Variants in CDH12 observed in about 807,000 individuals in gnomAD.
CDH12 encodes cadherin 12.
Under a neutral mutation model 74.1 loss-of-function variants are expected in CDH12, and 41 were observed. That is an observed-to-expected ratio of 0.55 (90% CI 0.43 to 0.72). The LOEUF is 0.72. Among genes scored for constraint, CDH12 ranks in the 30% least tolerant of loss-of-function variants. The pLI is 0.00. For missense variants in CDH12, 945 were observed against 977.2 expected (o/e 0.97, Z 0.44); for synonymous variants, 399 against 355.0 (o/e 1.12, Z -1.39).
chr5:21,883,552 G>T, intron 6 of CDH12: 1 of 1,608,652 alleles, frequency 6.2e-7, no homozygotes, highest in Non-Finnish European at 8.5e-7. Flanking sequence ...ATTGCTACTG[G>T]TGGTGCAGTG....
intron 1 of CDH12, among the ~76,000 whole-genome samples, chr5:22,686,324 A>G (rs1027509952): frequency 9.2e-5 from 14 of 152,038 alleles, no homozygotes; most frequent in African/African-American, 3.4e-4. Flanking sequence ...CTCCCATACT[A>G]TGGGTTGTCT....
chr5:22,741,084 G>C (rs531413248), intron 1 of CDH12, among the ~76,000 whole-genome samples: 1 of 152,246 alleles, frequency 6.6e-6, no homozygotes, highest in Non-Finnish European at 1.5e-5. Flanking sequence ...TGTAACTCAG[G>C]AGATATTTAT....
intron 5 of CDH12, among the ~76,000 whole-genome samples, chr5:22,059,859 G>T (rs1466643846): frequency 6.6e-6 from 1 of 152,078 alleles, no homozygotes; most frequent in Non-Finnish European, 1.5e-5. Context: ...ATGAAAGAAT[G>T]AGGTTTTCAG....
At chr5:21,947,240 G>T (rs1755619298) in intron 6 of CDH12, among the ~76,000 whole-genome samples, 1 of 152,026 alleles carries the variant, frequency 6.6e-6, no homozygotes, top group Non-Finnish European at 1.5e-5. Context: ...ACTGGGAGTG[G>T]GGCACTGCTA....
At chr5:22,351,757 G>C (rs1740363770) in intron 3 of CDH12, among the ~76,000 whole-genome samples, 1 of 151,986 alleles carries the variant, frequency 6.6e-6, no homozygotes, top group Non-Finnish European at 1.5e-5. Context: ...ATTTCACTTT[G>C]GTCATTTAGT....
chr5:22,737,955 G>A (rs1744825114), intron 1 of CDH12, among the ~76,000 whole-genome samples: 1 of 152,050 alleles, frequency 6.6e-6, no homozygotes, highest in Admixed American at 6.6e-5. Flanking sequence ...TTTTGAGAGT[G>A]GGGTAAGGGG....
intron 1 of CDH12, among the ~76,000 whole-genome samples, chr5:22,773,574 T>G (rs1746926438): frequency 6.6e-6 from 1 of 152,132 alleles, no homozygotes; most frequent in Non-Finnish European, 1.5e-5. Context: ...AACACCATTT[T>G]GCACATTGGC....
intron 1 of CDH12, among the ~76,000 whole-genome samples, chr5:22,604,939 G>C (rs989857419): frequency 5.9e-5 from 9 of 152,194 alleles, no homozygotes; most frequent in African/African-American, 2.2e-4. Context: ...TGACACTCAT[G>C]GGAGTGGCTG....
At chr5:22,218,666 G>A (rs1412663963) in intron 3 of CDH12, among the ~76,000 whole-genome samples, 1 of 151,618 alleles carries the variant, frequency 6.6e-6, no homozygotes, top group Non-Finnish European at 1.5e-5. Flanking sequence ...CTTCACAGGT[G>A]TATATATGTG....
rs533828180 is a variant in CDH12 at position 22,830,441 on chromosome 5, CT to C, written c.-523+22616del. 2.6e-3 allele frequency among the ~76,000 whole-genome samples: 391 copies of C among 151,916 alleles called. 2 individuals carry two copies. Among genetic ancestry groups the C allele is most frequent in the Middle Eastern group, 0.01 (3 of 290 alleles). On this transcript the variant is annotated intron_variant, in intron 1 of 14. Transcript: ENST00000382254. ...GAATGAACCCTAATCAGAGTATTGA[CT>C]TGAGTTATCTGGATATTTTTTAAAT...
chr5:22,846,186 G>A (rs1461956371), intron 1 of CDH12, among the ~76,000 whole-genome samples: 3 of 152,156 alleles, frequency 2.0e-5, no homozygotes, highest in Admixed American at 2.0e-4. Flanking sequence ...TTAGGAAAAT[G>A]GGTATATTTA....
intron 11 of CDH12, among the ~76,000 whole-genome samples, chr5:21,772,644 A>G (rs1745384346): frequency 6.6e-6 from 1 of 152,222 alleles, no homozygotes; most frequent in South Asian, 2.1e-4. Flanking sequence ...CATATACTAT[A>G]TCATATTGAA....
At chr5:22,038,440 C>T (rs552253626) in intron 5 of CDH12, among the ~76,000 whole-genome samples, 6 of 152,300 alleles carry the variant, frequency 3.9e-5, no homozygotes, top group South Asian at 2.1e-4. Context: ...CCAGCCACTG[C>T]TGCATCCTGC....
intron 1 of CDH12, among the ~76,000 whole-genome samples, chr5:22,679,957 AT>A (rs1741407336): frequency 6.6e-6 from 1 of 152,142 alleles, no homozygotes; most frequent in South Asian, 2.1e-4. Flanking sequence ...CGTTCTGAGC[AT>A]TCATTGCCTC....
chr5:22,389,203 G>T (rs1344298450), intron 3 of CDH12, among the ~76,000 whole-genome samples: 2 of 152,168 alleles, frequency 1.3e-5, no homozygotes, highest in African/African-American at 4.8e-5. Flanking sequence ...AATGAAAAGT[G>T]ATGAGCTTTT....
At chr5:21,930,013 A>T (rs912892105) in intron 6 of CDH12, among the ~76,000 whole-genome samples, 2 of 152,110 alleles carry the variant, frequency 1.3e-5, no homozygotes, top group African/African-American at 2.4e-5. Flanking sequence ...AACTCCATTT[A>T]CTGTTATTTT....
intron 2 of CDH12, among the ~76,000 whole-genome samples, chr5:22,487,351 TTAGAG>T (rs1746650428): frequency 6.6e-6 from 1 of 152,106 alleles, no homozygotes; most frequent in Admixed American, 6.6e-5. Flanking sequence ...ATATTGATTA[TTAGAG>T]TATATAGTGG....
At chr5:22,715,218 T>G (rs1743511351) in intron 1 of CDH12, among the ~76,000 whole-genome samples, 1 of 152,192 alleles carries the variant, frequency 6.6e-6, no homozygotes, top group African/African-American at 2.4e-5. Flanking sequence ...TCATGTTAAT[T>G]ATCCATCTCT....
At chr5:21,754,348 A>G (rs1263528611) in intron 14 of CDH12, among the ~76,000 whole-genome samples, 1 of 152,216 alleles carries the variant, frequency 6.6e-6, no homozygotes, top group Non-Finnish European at 1.5e-5. Context: ...AGAGAGGCAT[A>G]TGAGAGAGAA....
Sources: allele counts gnomAD v4.1 joint callset (sites outside exome capture counted in the v4.1 genomes callset), GRCh38; gene constraint gnomAD v4.1.1; transcripts MANE v1.5; gene names NCBI Gene and HGNC (gene_info 2026-07-23, HGNC 2026-07-21).